EHBP1: variants seen among roughly 807,000 people sequenced by gnomAD.
EHBP1 encodes the protein EH domain binding protein 1, also known as EH domain-binding protein 1.
Under a neutral mutation model 144.0 loss-of-function variants are expected in EHBP1, and 55 were observed. That is an observed-to-expected ratio of 0.38 (90% CI 0.31 to 0.48). The LOEUF (loss-of-function observed/expected upper bound fraction) is 0.48. Among genes scored for constraint, EHBP1 ranks in the 20% least tolerant of loss-of-function variants. EHBP1 has a pLI of 0.98. For synonymous variants in EHBP1, 469 were observed against 472.7 expected, an observed-to-expected ratio of 0.99 and a Z score of 0.10; for missense variants, 1,200 against 1,364.2, an observed-to-expected ratio of 0.88 and a Z score of 1.90.
intron 1 of EHBP1, among the ~76,000 whole-genome samples, chr2:62,682,182 A>G (rs1173808870): frequency 7.9e-5 from 12 of 152,274 alleles, no homozygotes; most frequent in Non-Finnish European, 1.5e-4. Flanking sequence ...CAGGGAAATC[A>G]AACTCTATGA....
At chr2:62,729,386 A>C (rs1474451433) in intron 2 of EHBP1, among the ~76,000 whole-genome samples, 2 of 120,402 alleles carry the variant, frequency 1.7e-5, no homozygotes, top group African/African-American at 6.4e-5. Flanking sequence ...AATAAATATC[A>C]TATTTATTAT....
intron 14 of EHBP1, among the ~76,000 whole-genome samples, chr2:62,961,152 A>G (rs78893402): frequency 0.02 from 3,121 of 152,332 alleles, 55 homozygotes; most frequent in Non-Finnish European, 0.034. Flanking sequence ...CACTTAAGTT[A>G]TCCTCAGGAA....
rs572122976 is a variant in EHBP1, at chr2:62,723,928, G to A, written c.104+16633G>A. Among the ~76,000 whole-genome samples, 131 of 152,148 alleles carry A rather than the reference G, an allele frequency of 8.6e-4. 2 individuals carry two copies. Among genetic ancestry groups the A allele is most frequent in the African/African-American group, 2.9e-3 (120 of 41,492 alleles). On this transcript the variant is annotated intron_variant, in intron 2 of 22. Coordinates refer to ENST00000431489, the MANE Select transcript of EHBP1 (RefSeq NM_001142616.3). ...ATTTTTTCTTTCATTTCAACCTTGG[G>A]GAATCTGATTATTATGTGTCTTGAG... is the stretch of plus-strand genomic sequence containing the variant.
chr2:62,812,968 A>G (rs1573486413), intron 5 of EHBP1, among the ~76,000 whole-genome samples: 3 of 152,190 alleles, frequency 2.0e-5, no homozygotes, highest in Non-Finnish European at 1.5e-5. Context: ...TACATTTGCT[A>G]AAGAGAGTAC....
intron 5 of EHBP1, 63 bp downstream of exon 5, chr2:62,771,455 T>A: frequency 8.1e-7 from 1 of 1,238,200 alleles, no homozygotes; most frequent in East Asian, 2.7e-5. Flanking sequence ...ATTATTAAGG[T>A]ACATTGGCAT....
intron 5 of EHBP1, 35 bp from the exon 6 acceptor site, chr2:62,826,051 CA>C: frequency 7.1e-7 from 1 of 1,408,998 alleles, no homozygotes; most frequent in Non-Finnish European, 9.3e-7. Context: ...TAAAATAACT[CA>C]AAATTACATA....
At chr2:62,926,533 T>C (rs1373862655) in intron 10 of EHBP1, among the ~76,000 whole-genome samples, 1 of 152,132 alleles carries the variant, frequency 6.6e-6, no homozygotes, top group Admixed American at 6.6e-5. Flanking sequence ...TGAACAGATA[T>C]TTCTCAATAG....
intron 10 of EHBP1, among the ~76,000 whole-genome samples, chr2:62,937,701 A>T (rs907260115): frequency 2.0e-5 from 3 of 152,130 alleles, no homozygotes; most frequent in African/African-American, 4.8e-5. Flanking sequence ...TGTAGAGGTG[A>T]TGATGTGTAT....
chr2:62,986,443 C>CTTT (rs397869234), intron 15 of EHBP1, among the ~76,000 whole-genome samples: 4 of 135,670 alleles, frequency 2.9e-5, no homozygotes, highest in South Asian at 2.4e-4. Context: ...TTCTTTTTTC[C>CTTT]TTTTTTTTTT....
chr2:62,711,304 ATATAGT>A (rs1449480535), intron 2 of EHBP1, among the ~76,000 whole-genome samples: 1 of 152,188 alleles, frequency 6.6e-6, no homozygotes, highest in Admixed American at 6.5e-5. Flanking sequence ...TTTTTTAAAG[ATATAGT>A]TAGCAGGACT....
At chr2:62,816,198 C>G (rs189084649) in intron 5 of EHBP1, among the ~76,000 whole-genome samples, 3 of 152,208 alleles carry the variant, frequency 2.0e-5, no homozygotes, top group Admixed American at 1.3e-4. Context: ...GAATATAGGA[C>G]TAGAGCTGTC....
chr2:62,794,187 C>T (rs1334363531), intron 5 of EHBP1, among the ~76,000 whole-genome samples: 2 of 151,994 alleles, frequency 1.3e-5, no homozygotes, highest in Non-Finnish European at 2.9e-5. Flanking sequence ...TATTTTTCTT[C>T]ACTCCACTCT....
chr2:62,752,864 C>T (rs1229673572), intron 3 of EHBP1, among the ~76,000 whole-genome samples: 3 of 152,130 alleles, frequency 2.0e-5, no homozygotes, highest in African/African-American at 7.2e-5. Flanking sequence ...GTAGATCTTC[C>T]TCCATCCCTT....
At chr2:62,837,769 C>G (rs907581591) in intron 7 of EHBP1, among the ~76,000 whole-genome samples, 1 of 152,078 alleles carries the variant, frequency 6.6e-6, no homozygotes, top group African/African-American at 2.4e-5. Context: ...GTAAAGGGAT[C>G]AATTCAAAAA....
At chr2:62,888,033 A>T (rs1426766091) in intron 10 of EHBP1, among the ~76,000 whole-genome samples, 1 of 152,174 alleles carries the variant, frequency 6.6e-6, no homozygotes, top group African/African-American at 2.4e-5. Flanking sequence ...ACATATTTGG[A>T]TGTGTGCACT....
chr2:62,863,836 TG>T, intron 8 of EHBP1, among the ~76,000 whole-genome samples: 5 of 105,100 alleles, frequency 4.8e-5, no homozygotes, highest in Admixed American at 1.1e-4. Context: ...TATTTTTCTG[TG>T]TTGTTTTTTT....
chr2:62,875,111 G>A (rs1012494812), intron 10 of EHBP1, among the ~76,000 whole-genome samples: 6 of 152,126 alleles, frequency 3.9e-5, no homozygotes, highest in Non-Finnish European at 5.9e-5. Context: ...CCCTGCTGGT[G>A]TATGTGCACC....
chr2:62,959,071 C>G (rs748638075), intron 14 of EHBP1, among the ~76,000 whole-genome samples: 1 of 152,154 alleles, frequency 6.6e-6, no homozygotes, highest in African/African-American at 2.4e-5. Context: ...CTGTTTCGCT[C>G]TTTGATTCCA....
intron 14 of EHBP1, among the ~76,000 whole-genome samples, chr2:62,957,640 G>GTTTT (rs771682026): frequency 1.4e-5 from 1 of 69,702 alleles, no homozygotes; most frequent in African/African-American, 7.3e-5. Context: ...GAAAATAAAT[G>GTTTT]CTTTTTTTTT....
Sources: allele counts gnomAD v4.1 joint callset (sites outside exome capture counted in the v4.1 genomes callset), GRCh38; gene constraint gnomAD v4.1.1; transcripts MANE v1.5; gene names NCBI Gene and HGNC (gene_info 2026-07-23, HGNC 2026-07-21).